GMIP: variants seen among roughly 807,000 people sequenced by gnomAD.
The protein encoded by GMIP is GEM interacting protein.
In GMIP, 54 loss-of-function variants were observed where a neutral mutation model predicts 105.3. That is an observed-to-expected ratio of 0.51 (90% CI 0.41 to 0.64). The LOEUF is 0.64. GMIP is among the 30% of genes least tolerant of loss of function. GMIP has a pLI of 0.00. For missense variants in GMIP, 1,110 were observed against 1,319.4 expected, an observed-to-expected ratio of 0.84 and a Z score of 2.46; for synonymous variants, 541 against 560.8, an observed-to-expected ratio of 0.96 and a Z score of 0.50.
chr19:19,633,857 T>C lies in GMIP; in HGVS notation c.2418A>G (p.Pro806=), dbSNP rs759158694. 2 of 1,472,506 alleles carry C rather than the reference T, an allele frequency of 1.4e-6. No individual in the cohort carries two copies. Among genetic ancestry groups the C allele is most frequent in the Admixed American group, 2.6e-5 (1 of 39,112 alleles). 91.2% of individuals were successfully genotyped at this position (1,472,506 alleles called of 1,614,324 possible). ...QPPVLASDPG[P]DPQHHSTLEQ... ...CCAGGGTACTGTGGTGCTGGGGGTCTGGGCCGGGGTCTGAGGCTAGGACTG... is the reference window on the plus strand; with the variant it reads ...CCAGGGTACTGTGGTGCTGGGGGTCCGGGCCGGGGTCTGAGGCTAGGACTG... Residue 806 remains proline, a synonymous_variant, in exon 19 of 21, where the codon CCA becomes CCG. Coordinates refer to ENST00000203556, the MANE Select transcript of GMIP (RefSeq NM_016573.4).
In GMIP at chr19:19,638,238, T is replaced by C; in HGVS notation, c.710A>G (p.Asp237Gly). The C allele has an allele frequency of 1.2e-6, 2 of 1,602,158 alleles. No homozygotes were observed. The highest frequency in any genetic ancestry group is 1.7e-6 in the Non-Finnish European group (2 of 1,179,030). The stretch of plus-strand genomic sequence containing the variant: ...TCCCGGCGAGGCCTGGGGGGCCGAG[T>C]CCTCAGGGGACCCCTGGGAGCGTGC... The part of the protein sequence containing the change: ...LRARSQGSPE[D>G]SAPQASPGPS... The change falls in exon 9 of 21, where the codon GAC becomes GGC. Residue 237 changes from aspartate (D) to glycine (G), a missense_variant. Asp to Gly is a moderately conservative substitution (Grantham distance 94). This residue lies in a region of GMIP where 667 missense variants were observed against 773.2 expected (regional missense o/e 0.86). Coordinates refer to ENST00000203556, the MANE Select transcript of GMIP (RefSeq NM_016573.4).
chr19:19,635,433 G>T lies in GMIP; in HGVS notation c.1542C>A (p.Ser514Arg). The stretch of plus-strand genomic sequence containing the variant: ...GCCACACCTCCTCACACTCCGTCCC[G>T]CTGACCATGAAGGCTTCGCACTCGC... ...KCRECEAFMV[S>R]GTECEECFLT... The change falls in exon 15 of 21, where the codon AGC (serine) becomes AGA (arginine). Residue 514 changes from serine to arginine, a missense_variant. By Grantham distance (110) the Ser-to-Arg change is moderately radical. Coordinates refer to ENST00000203556, the MANE Select transcript of GMIP (RefSeq NM_016573.4). The surrounding 1 kb of genome is among the most constrained non-coding windows in gnomAD (Gnocchi z 4.7). The T allele has an allele frequency of 6.2e-7, 1 of 1,609,372 alleles. No homozygotes were observed. The highest frequency in any genetic ancestry group is 8.5e-7 in the Non-Finnish European group (1 of 1,179,858).
chr19:19,637,402 C>T lies in GMIP; in HGVS notation c.1087G>A (p.Ala363Thr), dbSNP rs763528990. The change falls in exon 11 of 21, where the codon GCC (alanine) becomes ACC (threonine). Residue 363 changes from alanine to threonine, a missense_variant. By Grantham distance (58) the Ala-to-Thr change is moderately conservative. Around this residue, in one of 3 missense-constraint regions of GMIP, gnomAD observed 667 missense variants for 773.2 expected, o/e 0.86. Coordinates refer to ENST00000203556, the MANE Select transcript of GMIP (RefSeq NM_016573.4). This position sits in a 1 kb window ranked among gnomAD's most constrained non-coding sequence, Gnocchi z 6.7. ...RPEAPPPPPP[A>T]FSFQEFLPSL... is the part of the protein sequence containing the mutation. ...GGAAGGAACTCCTGGAAGGAGAAGG[C>T]GGGCGGCGGGGGCGGCGGGGCCTCG... 2.7e-6 allele frequency: 4 copies of T among 1,491,500 alleles called. No individual in the cohort carries two copies. The highest frequency in any genetic ancestry group is 1.4e-5 in the South Asian group (1 of 73,320). 92.4% of individuals were successfully genotyped at this position (1,491,500 alleles called of 1,614,324 possible).
chr19:19,637,450 C>A lies in GMIP; in HGVS notation c.1039G>T (p.Glu347Ter). 6.6e-7 allele frequency: 1 copy of A among 1,526,396 alleles called. No homozygotes were observed. The highest frequency in any genetic ancestry group is 8.8e-7 in the Non-Finnish European group (1 of 1,140,072). The allele number at this position is 1,526,396 out of a possible 1,614,324, so 94.6% of individuals were successfully genotyped here. The change falls in exon 11 of 21, where the codon GAG becomes TAG. Residue 347 changes from glutamate to a stop codon, truncating the protein, a stop_gained. Transcript: ENST00000203556. LOFTEE classifies it high-confidence loss of function. This position sits in a 1 kb window ranked among gnomAD's most constrained non-coding sequence, Gnocchi z 6.7. ...TCGGGCCGCAGCGCCCGTACAAACT[C>A]CTGGTAGCGCTGGCCCGGCTCAAAG... ...APFEPGQRYQEFVRALRPEAP... is the reference protein window; with the variant it reads ...APFEPGQRYQ
At chr19:19,641,761 G>A (rs1488160489) in intron 4 of GMIP, 49 bp downstream of exon 4, 3 of 1,358,006 alleles carry the variant, frequency 2.2e-6, no homozygotes, top group Non-Finnish European at 3.1e-6. Context: ...ATTTGTTGAA[G>A]GAAAGACTCC....
rs1236720495 is a variant in GMIP at position 19,634,782 on chromosome 19, G to A, written c.1887+10C>T. The stretch of plus-strand genomic sequence containing the variant: ...CTGCCCGCGTCCCCCTCAGTGTCCT[G>A]AGCACCAACCTCCTGAAGAAATCGC... On this transcript the variant is annotated intron_variant, in intron 17 of 20. Transcript: ENST00000203556. The surrounding 1 kb of genome is among the most constrained non-coding windows in gnomAD (Gnocchi z 6.1). 6.2e-7 allele frequency: 1 copy of A among 1,613,692 alleles called. No homozygotes were observed. Among genetic ancestry groups the A allele is most frequent in the African/African-American group, 1.3e-5 (1 of 75,042 alleles).
At position 19,634,027 on chromosome 19, in the gene GMIP, T is replaced by C; in HGVS notation, c.2248A>G (p.Ile750Val). The C allele has an allele frequency of 6.2e-7, 1 of 1,613,366 alleles. No homozygotes were observed. The highest frequency in any genetic ancestry group is 8.5e-7 in the Non-Finnish European group (1 of 1,179,672). The change falls in exon 19 of 21, where the codon ATC (isoleucine) becomes GTC (valine). Residue 750 changes from isoleucine (I) to valine (V), a missense_variant. Ile to Val is a conservative substitution (Grantham distance 29). This residue lies in a region of GMIP where 394 missense variants were observed against 450.5 expected (regional missense o/e 0.87). Transcript: ENST00000203556. The surrounding 1 kb of genome is among the most constrained non-coding windows in gnomAD (Gnocchi z 6.1). ...CCAAAGATCTGCTCGTAGTGCACGA[T>C]GAGGAACTCCACAAGCTGGGCCTGA... is the stretch of plus-strand genomic sequence containing the variant. ...GHQAQLVEFL[I>V]VHYEQIFGMD...
At position 19,629,542 on chromosome 19, in the gene GMIP, C is replaced by T; in HGVS notation, c.*421G>A. 1 of 187,322 alleles carries T rather than the reference C, an allele frequency of 5.3e-6. No individual in the cohort carries two copies. The highest frequency in any genetic ancestry group is 1.1e-5 in the Non-Finnish European group (1 of 88,686). The allele number at this position is 187,322 out of a possible 1,614,324, so 11.6% of individuals were successfully genotyped here. A position where few individuals can be genotyped will look rare whatever the true frequency, so the allele number is the denominator to read the frequency against. On this transcript the variant is annotated 3_prime_UTR_variant, in exon 21 of 21. Coordinates refer to ENST00000203556, the MANE Select transcript of GMIP (RefSeq NM_016573.4). ...CACCAGCATGTGGAGTCTGAGCTGC[C>T]CACCTCCTCCAGGAAGGTCACTTCG...
intron 19 of GMIP, among the ~76,000 whole-genome samples, chr19:19,632,998 C>T (rs2061811667): frequency 1.3e-5 from 2 of 151,968 alleles, no homozygotes; most frequent in Admixed American, 1.3e-4. Flanking sequence ...CACCATCCTA[C>T]TTAGTGATAC....
In GMIP at chr19:19,638,457, A is replaced by G. The variant is rs942573279; in HGVS notation, c.563T>C (p.Ile188Thr). The change falls in exon 8 of 21, where the codon ATT becomes ACT. Residue 188 changes from isoleucine to threonine, a missense_variant. Coordinates refer to ENST00000203556, the MANE Select transcript of GMIP (RefSeq NM_016573.4). Reference protein sequence around the residue: ...YQPLAAKRTEIEKWRKEFKEQ... With the variant: ...YQPLAAKRTETEKWRKEFKEQ... ...CTTGAACTCCTTCCGCCACTTCTCA[A>G]TCTCAGTCCGTTTGGCGGCGAGGGG... The G allele has an allele frequency of 1.9e-6, 3 of 1,613,888 alleles. No individual in the cohort carries two copies. The highest frequency in any genetic ancestry group is 1.7e-6 in the Non-Finnish European group (2 of 1,179,952).
chr19:19,634,704 C>G lies in GMIP; in HGVS notation c.1888-1G>C, dbSNP rs948212801. ...GGAAGGGGATCACGGGCTCGGTGAG[C>G]TGGGGGTGGAACGGAGGGCGCAACA... is the stretch of plus-strand genomic sequence containing the variant. On this transcript the variant is annotated splice_acceptor_variant, in intron 17 of 20. Coordinates refer to ENST00000203556, the MANE Select transcript of GMIP (RefSeq NM_016573.4). LOFTEE classifies it high-confidence loss of function. The surrounding 1 kb of genome is among the most constrained non-coding windows in gnomAD (Gnocchi z 6.1). 1 of 1,608,226 alleles carries G rather than the reference C, an allele frequency of 6.2e-7. No individual in the cohort carries two copies. The highest frequency in any genetic ancestry group is 8.5e-7 in the Non-Finnish European group (1 of 1,175,776).
chr19:19,641,653 T>C (rs1269007731), intron 4 of GMIP, among the ~76,000 whole-genome samples, 157 bp downstream of exon 4: 2 of 152,234 alleles, frequency 1.3e-5, no homozygotes, highest in Non-Finnish European at 2.9e-5. Flanking sequence ...CCACCCTGCC[T>C]GGGGTCTCCC....
chr19:19,637,370 C>G lies in GMIP; in HGVS notation c.1119G>C (p.Leu373Phe). ...AFSFQEFLPS[L>F]NSSPLDIRKK... is the part of the protein sequence containing the mutation. ...TCCCTGCTCCAGTGACCCACCTGTTCAAGGAGGGAAGGAACTCCTGGAAGG... is the reference window on the plus strand; with the variant it reads ...TCCCTGCTCCAGTGACCCACCTGTTGAAGGAGGGAAGGAACTCCTGGAAGG... Residue 373 changes from leucine to phenylalanine, a missense_variant, in exon 11 of 21, where the codon TTG becomes TTC. By Grantham distance (22) the Leu-to-Phe change is conservative. Around this residue, in one of 3 missense-constraint regions of GMIP, gnomAD observed 667 missense variants for 773.2 expected, o/e 0.86. Coordinates refer to ENST00000203556, the MANE Select transcript of GMIP (RefSeq NM_016573.4). The surrounding 1 kb of genome is among the most constrained non-coding windows in gnomAD (Gnocchi z 6.7). 2 of 1,500,944 alleles carry G rather than the reference C, an allele frequency of 1.3e-6. No homozygotes were observed. Among genetic ancestry groups the G allele is most frequent in the Non-Finnish European group, 8.9e-7 (1 of 1,129,554 alleles). 93.0% of individuals were successfully genotyped at this position (1,500,944 alleles called of 1,614,324 possible).
chr19:19,640,575 G>C lies in GMIP; in HGVS notation c.239-4C>G, dbSNP rs2144871653. The C allele has an allele frequency of 6.2e-7, 1 of 1,613,826 alleles. No individual in the cohort carries two copies. The highest frequency in any genetic ancestry group is 8.5e-7 in the Non-Finnish European group (1 of 1,179,974). Reference sequence around the variant, plus strand: ...AGCCGCAAGTCCAGTTCCTCCCCTGGGGAAGATGGATGGACCTCTGACCTT... The same window carrying C: ...AGCCGCAAGTCCAGTTCCTCCCCTGCGGAAGATGGATGGACCTCTGACCTT... On this transcript the variant is annotated splice_region_variant and splice_polypyrimidine_tract_variant and intron_variant, in intron 4 of 20. Transcript: ENST00000203556.
chr19:19,636,540 T>C (rs1354469664), intron 13 of GMIP, among the ~76,000 whole-genome samples, 167 bp downstream of exon 13: 2 of 151,696 alleles, frequency 1.3e-5, no homozygotes, highest in Admixed American at 1.3e-4. Flanking sequence ...AACAAATAAA[T>C]AAATAAATAA....
rs764100479 is a variant in GMIP, at chr19:19,630,362, C to T, written c.2540-26G>A. 8 of 1,560,478 alleles carry T rather than the reference C, an allele frequency of 5.1e-6. No individual in the cohort carries two copies. Among genetic ancestry groups the T allele is most frequent in the Middle Eastern group, 1.7e-4 (1 of 5,774 alleles). ...CTGTGTACGGGGTGGGTGGTCAGTG[C>T]AGAGCACCTCCAAGTTCTCTGTATA... On this transcript the variant is annotated intron_variant, in intron 20 of 20. Coordinates refer to ENST00000203556, the MANE Select transcript of GMIP (RefSeq NM_016573.4). This position sits in a 1 kb window ranked among gnomAD's most constrained non-coding sequence, Gnocchi z 4.8.
At chr19:19,642,799 G>C (rs750582754) in intron 1 of GMIP, among the ~76,000 whole-genome samples, 180 bp from the exon 2 acceptor site, 20 of 152,076 alleles carry the variant, frequency 1.3e-4, no homozygotes, top group Non-Finnish European at 2.2e-4. Flanking sequence ...CACACCACCA[G>C]AGACCAGAGA....
At position 19,630,247 on chromosome 19, in the gene GMIP, C is replaced by T; in HGVS notation, c.2629G>A (p.Val877Met). The T allele has an allele frequency of 6.3e-7, 1 of 1,578,584 alleles. No homozygotes were observed. The highest frequency in any genetic ancestry group is 8.6e-7 in the Non-Finnish European group (1 of 1,159,130). The stretch of plus-strand genomic sequence containing the variant: ...GACAGCTGGTGGGTTACAGGCCTCA[C>T]ACCGCCCCGGGGATACTTCACTGGC... Reference protein sequence around the residue: ...RQPVKYPRGGVRPVTHQLSSL... With the variant: ...RQPVKYPRGGMRPVTHQLSSL... Residue 877 changes from valine (V) to methionine (M), a missense_variant, in exon 21 of 21, where the codon GTG (valine) becomes ATG (methionine). Val to Met is a conservative substitution (Grantham distance 21). Around this residue, in one of 3 missense-constraint regions of GMIP, gnomAD observed 394 missense variants for 450.5 expected, o/e 0.87. Coordinates refer to ENST00000203556, the MANE Select transcript of GMIP (RefSeq NM_016573.4). This position sits in a 1 kb window ranked among gnomAD's most constrained non-coding sequence, Gnocchi z 4.8.
Position 19,633,866 on chromosome 19 carries a change from G to C in GMIP, c.2409C>G (p.Asp803Glu). The part of the protein sequence containing the change: ...PDSQPPVLAS[D>E]PGPDPQHHST... ...TGTGGTGCTGGGGGTCTGGGCCGGG[G>C]TCTGAGGCTAGGACTGGGGGCTGGG... Residue 803 changes from aspartate (D) to glutamate (E), a missense_variant, in exon 19 of 21, where the codon GAC becomes GAG. Physicochemically the swap from Asp to Glu is conservative, Grantham distance 45. Transcript: ENST00000203556. The C allele has an allele frequency of 6.7e-7, 1 of 1,501,334 alleles. No homozygotes were observed. The highest frequency in any genetic ancestry group is 1.4e-5 in the African/African-American group (1 of 71,456). The allele number at this position is 1,501,334 out of a possible 1,614,324, so 93.0% of individuals were successfully genotyped here. A position where few individuals can be genotyped will look rare whatever the true frequency, so the allele number is the denominator to read the frequency against.
Sources: allele counts gnomAD v4.1 joint callset (sites outside exome capture counted in the v4.1 genomes callset), GRCh38; gene constraint gnomAD v4.1.1; regional missense constraint gnomAD v4.1.1; non-coding constraint Gnocchi (gnomAD v3.1); transcripts MANE v1.5; gene names NCBI Gene and HGNC (gene_info 2026-07-23, HGNC 2026-07-21).